Variants in ETS1 observed in about 807,000 individuals in gnomAD.
ETS1 encodes the protein ETS proto-oncogene 1, transcription factor.
ETS1 carries 15 observed loss-of-function variants against 58.6 expected under a neutral mutation model. That is an observed-to-expected ratio of 0.26 (90% confidence interval 0.17 to 0.39). The LOEUF (loss-of-function observed/expected upper bound fraction) is 0.39, where lower values mean the gene tolerates loss of function less well. Among genes scored for constraint, ETS1 ranks in the 10% least tolerant of loss-of-function variants. ETS1 has a pLI of 1.00. For synonymous variants in ETS1, 214 were observed against 218.2 expected, an observed-to-expected ratio of 0.98 and a Z score of 0.17; for missense variants, 417 against 610.5, an observed-to-expected ratio of 0.68 and a Z score of 3.34.
At chr11:128,488,693 GGTTGGAAGAGGCT>G (rs1279668745) in intron 5 of ETS1, among the ~76,000 whole-genome samples, 1 of 152,188 alleles carries the variant, frequency 6.6e-6, no homozygotes, top group East Asian at 1.9e-4. Context: ...GGTCCAAAAA[GGTTGGAAGAGGCT>G]GTTAGGGGAG....
At chr11:128,496,694 T>C (rs1228814031) in intron 3 of ETS1, among the ~76,000 whole-genome samples, 1 of 152,178 alleles carries the variant, frequency 6.6e-6, no homozygotes, top group Non-Finnish European at 1.5e-5. Context: ...ACAGTCTCTA[T>C]TGCCCTCTCT....
intron 3 of ETS1, chr11:128,526,531 A>T (rs1446193387): frequency 2.3e-5 from 5 of 216,252 alleles, no homozygotes; most frequent in Admixed American, 1.1e-4. Context: ...GTCTGTCTAC[A>T]GCCATCTCTT....
chr11:128,558,704 A>G (rs1317923074), intron 2 of ETS1, among the ~76,000 whole-genome samples: 1 of 150,752 alleles, frequency 6.6e-6, no homozygotes, highest in East Asian at 1.9e-4. Flanking sequence ...AGAGAAAAGA[A>G]AAGAAAATGT....
At chr11:128,474,750 C>G (rs1313787407) in intron 8 of ETS1, among the ~76,000 whole-genome samples, 1 of 152,202 alleles carries the variant, frequency 6.6e-6, no homozygotes, top group African/African-American at 2.4e-5. Flanking sequence ...CAGGAAGGCT[C>G]TATTTAAGCT....
At chr11:128,476,572 G>T (rs1413864397) in intron 8 of ETS1, among the ~76,000 whole-genome samples, 1 of 152,238 alleles carries the variant, frequency 6.6e-6, no homozygotes, top group Non-Finnish European at 1.5e-5. Context: ...GAGGAAGAGA[G>T]ACTACTATGT....
At chr11:128,552,148 A>G (rs952062888) in intron 3 of ETS1, among the ~76,000 whole-genome samples, 2 of 152,072 alleles carry the variant, frequency 1.3e-5, no homozygotes, top group Non-Finnish European at 2.9e-5. Flanking sequence ...ATTGGTATAG[A>G]TCCGGAAACT....
At chr11:128,540,485 TA>T (rs200189321) in intron 3 of ETS1, among the ~76,000 whole-genome samples, 82 of 148,826 alleles carry the variant, frequency 5.5e-4, no homozygotes, top group Middle Eastern at 3.4e-3. Context: ...ATAAACCGTT[TA>T]AAAAAAAAAG....
At chr11:128,539,327 T>C (rs1337222184) in intron 3 of ETS1, among the ~76,000 whole-genome samples, 1 of 152,216 alleles carries the variant, frequency 6.6e-6, no homozygotes, top group Non-Finnish European at 1.5e-5. Flanking sequence ...ATTCAGAATA[T>C]GTAAAGAACT....
Position 128,481,424 on chromosome 11 carries a change from C to CA in ETS1, c.863-974dup, listed in dbSNP as rs10707155. On this transcript the variant is annotated intron_variant, in intron 7 of 9. Coordinates refer to ENST00000392668, the MANE Select transcript of ETS1 (RefSeq NM_001143820.2). ...AAAATGCCACTAAAAAGGAGGCTAG[C>CA]AAAAAAAAAAAAAAAATAGTTTTGG... Among the ~76,000 whole-genome samples, 631 of 134,202 alleles carry CA rather than the reference C, an allele frequency of 4.7e-3. 2 individuals carry two copies. The highest frequency in any genetic ancestry group is 0.012 in the African/African-American group (454 of 36,696). 88.0% of individuals were successfully genotyped at this position (134,202 alleles called of 152,430 possible). A position where few individuals can be genotyped will look rare whatever the true frequency, so the allele number is the denominator to read the frequency against.
intron 3 of ETS1, among the ~76,000 whole-genome samples, chr11:128,500,202 G>C (rs185763573): frequency 6.6e-6 from 1 of 152,252 alleles, no homozygotes; most frequent in Admixed American, 6.5e-5. Flanking sequence ...TGGCCAAGAA[G>C]GGAGGAGAGA....
intron 3 of ETS1, among the ~76,000 whole-genome samples, chr11:128,500,991 A>C (rs1160808328): frequency 6.6e-6 from 1 of 152,210 alleles, no homozygotes; most frequent in African/African-American, 2.4e-5. Flanking sequence ...AACGAGTTTA[A>C]ATCTGCCTTC....
intron 8 of ETS1, among the ~76,000 whole-genome samples, chr11:128,465,569 G>T (rs1309122512): frequency 6.6e-6 from 1 of 152,160 alleles, no homozygotes; most frequent in Non-Finnish European, 1.5e-5. Flanking sequence ...CTCAAGAAAT[G>T]CAGCTGCCAG....
chr11:128,489,536 C>T (rs1166121649), intron 4 of ETS1, 46 bp from the exon 5 acceptor site: 2 of 1,507,334 alleles, frequency 1.3e-6, no homozygotes, highest in African/African-American at 2.7e-5. Flanking sequence ...GGGCTTTTAA[C>T]TCCTATCCAA....
chr11:128,567,646 G>GT (rs1279355304), intron 2 of ETS1, among the ~76,000 whole-genome samples: 2 of 150,566 alleles, frequency 1.3e-5, no homozygotes, highest in African/African-American at 5.0e-5. Flanking sequence ...TTTTGTTTTT[G>GT]TTTTGAGACA....
chr11:128,522,098 C>T, intron 3 of ETS1: 9 of 1,318,698 alleles, frequency 6.8e-6, no homozygotes, highest in Non-Finnish European at 8.8e-6. Context: ...CGGGGGAAAT[C>T]CGACTTTCTT....
intron 3 of ETS1, among the ~76,000 whole-genome samples, chr11:128,554,526 C>G (rs897113617): frequency 6.6e-6 from 1 of 152,034 alleles, no homozygotes; most frequent in African/African-American, 2.4e-5. Flanking sequence ...AACATCTTTA[C>G]CTTTGAGAAA....
intron 2 of ETS1, among the ~76,000 whole-genome samples, chr11:128,561,991 A>T (rs1181624060): frequency 6.6e-6 from 1 of 152,198 alleles, no homozygotes; most frequent in Non-Finnish European, 1.5e-5. Flanking sequence ...AAGGGAGAAA[A>T]AGCACAAAGA....
At chr11:128,553,583 C>T (rs1450241457) in intron 3 of ETS1, among the ~76,000 whole-genome samples, 2 of 152,062 alleles carry the variant, frequency 1.3e-5, no homozygotes, top group Non-Finnish European at 1.5e-5. Flanking sequence ...AATCGATTCC[C>T]GACAGACCTT....
chr11:128,466,760 G>T (rs1360125283), intron 8 of ETS1, among the ~76,000 whole-genome samples: 2 of 149,850 alleles, frequency 1.3e-5, no homozygotes, highest in Non-Finnish European at 3.0e-5. Flanking sequence ...TAGGTGCAGA[G>T]CTCTCTAACT....
Sources: allele counts gnomAD v4.1 joint callset (sites outside exome capture counted in the v4.1 genomes callset), GRCh38; gene constraint gnomAD v4.1.1; transcripts MANE v1.5; gene names NCBI Gene and HGNC (gene_info 2026-07-23, HGNC 2026-07-21).